The following ERAP1 variants were observed in gnomAD, a reference collection of about 807,000 sequenced individuals.
ERAP1 encodes the protein endoplasmic reticulum aminopeptidase 1.
ERAP1 carries 86 observed loss-of-function variants against 103.7 expected under a neutral mutation model. The ratio of observed to expected loss-of-function variants is 0.83; its 90% CI spans 0.70 to 0.99. The LOEUF is 0.99. Among genes scored for constraint, ERAP1 ranks in the 50% least tolerant of loss-of-function variants. The pLI is 0.00. For synonymous variants in ERAP1, 398 were observed against 402.4 expected, an observed-to-expected ratio of 0.99 and a Z score of 0.13; for missense variants, 1,009 against 1,128.4, an observed-to-expected ratio of 0.89 and a Z score of 1.52.
the ERAP1 span, among the ~76,000 whole-genome samples, chr5:96,834,040 A>T: frequency 6.6e-6 from 1 of 152,238 alleles, no homozygotes; most frequent in Admixed American, 6.5e-5. Flanking sequence ...AGTTGAAATG[A>T]AAAACTGACA....
At chr5:96,844,967 T>C in the ERAP1 span, among the ~76,000 whole-genome samples, 1 of 152,236 alleles carries the variant, frequency 6.6e-6, no homozygotes, top group Non-Finnish European at 1.5e-5. Context: ...AGAAAAATTA[T>C]GTCTGATTCC....
chr5:96,869,006 ATG>A, the ERAP1 span, among the ~76,000 whole-genome samples: 1 of 151,870 alleles, frequency 6.6e-6, no homozygotes, highest in African/African-American at 2.4e-5. Flanking sequence ...TTGCCTCAAG[ATG>A]TGTGTTTGCA....
At chr5:96,776,917 A>G (rs1774408643) in intron 18 of ERAP1, 1 of 212,394 alleles carries the variant, frequency 4.7e-6, no homozygotes, top group Non-Finnish European at 9.5e-6. Flanking sequence ...CAGAATGTGC[A>G]GAGTCTTTTC....
the ERAP1 span, among the ~76,000 whole-genome samples, chr5:96,874,180 A>AAGAAAGAAAGAAAGAAAGAAAGAGAG: frequency 7.3e-5 from 6 of 82,314 alleles, no homozygotes; most frequent in African/African-American, 3.4e-4. Context: ...GAAAGAAAGA[A>AAGAAAGAAAGAAAGAAAGAAAGAGAG]AGAGAGAGAG....
chr5:96,874,160 A>AAGAAAGAAAG, the ERAP1 span, among the ~76,000 whole-genome samples: 1 of 110,102 alleles, frequency 9.1e-6, no homozygotes, highest in Non-Finnish European at 1.7e-5. Flanking sequence ...GAAAGAAAGA[A>AAGAAAGAAAG]AGAAAGAAAG....
chr5:96,774,446 G>A (rs990270585), downstream of ERAP1: 2 of 925,962 alleles, frequency 2.2e-6, no homozygotes, highest in Admixed American at 6.2e-5. Flanking sequence ...CCTTTTTACA[G>A]TCTAGTTAGG....
the ERAP1 span, among the ~76,000 whole-genome samples, chr5:96,839,989 T>C: frequency 6.6e-6 from 1 of 152,190 alleles, no homozygotes; most frequent in Non-Finnish European, 1.5e-5. Context: ...GTGTAATGAG[T>C]TGTTTATTGC....
In ERAP1 at chr5:96,788,579, A is replaced by G. The variant is rs780462678; in HGVS notation, c.1631T>C (p.Met544Thr). 1.2e-6 allele frequency: 2 copies of G among 1,614,180 alleles called. No individual in the cohort carries two copies. The highest frequency in any genetic ancestry group is 4.5e-5 in the East Asian group (2 of 44,888). Reference protein sequence around the residue: ...TITVRGRNVHMKQEHYMKGSD... With the variant: ...TITVRGRNVHTKQEHYMKGSD... ...GCCCTTCATGTAGTGCTCTTGCTTC[A>G]TGTGTACATTCCTCCCCCTCACTGT... Residue 544 changes from methionine to threonine, a missense_variant, in exon 11 of 19, where the codon ATG (methionine) becomes ACG (threonine). Physicochemically the swap from Met to Thr is moderately conservative, Grantham distance 81. Transcript: ENST00000443439.
the ERAP1 span, among the ~76,000 whole-genome samples, chr5:96,853,492 G>T: frequency 6.6e-6 from 1 of 152,106 alleles, no homozygotes; most frequent in Admixed American, 6.6e-5. Flanking sequence ...CTTATCTCTA[G>T]TTAGAAGTGT....
chr5:96,803,885 T>C lies in ERAP1; in HGVS notation c.42A>G (p.Ser14=). ...GAGCCAACAGTGAGGAAAGTAGAAA[T>C]GACATGGTTGCAAGGGACCATTTGA... ...LPLKWSLATM[S]FLLSSLLALL... The change falls in exon 2 of 19, where the codon TCA becomes TCG. Residue 14 remains serine (S), a synonymous_variant. Coordinates refer to ENST00000443439, the MANE Select transcript of ERAP1 (RefSeq NM_001040458.3). The C allele has an allele frequency of 1.9e-6, 3 of 1,611,792 alleles. No homozygotes were observed. Among genetic ancestry groups the C allele is most frequent in the Non-Finnish European group, 2.5e-6 (3 of 1,180,018 alleles).
chr5:96,869,272 T>C, the ERAP1 span, among the ~76,000 whole-genome samples: 2 of 152,106 alleles, frequency 1.3e-5, no homozygotes, highest in African/African-American at 4.8e-5. Context: ...AAGGCTGTAA[T>C]CCATAACTTC....
At chr5:96,855,015 G>T in the ERAP1 span, among the ~76,000 whole-genome samples, 1 of 152,172 alleles carries the variant, frequency 6.6e-6, no homozygotes, top group Non-Finnish European at 1.5e-5. Flanking sequence ...CAAATGAAAG[G>T]CATTTCTGCA....
At chr5:96,907,633 G>T in the ERAP1 span, among the ~76,000 whole-genome samples, 1 of 151,408 alleles carries the variant, frequency 6.6e-6, no homozygotes, top group Non-Finnish European at 1.5e-5. Context: ...TGTAATCCCA[G>T]CATTTTGGGA....
chr5:96,926,191 T>C, the ERAP1 span, among the ~76,000 whole-genome samples: 1 of 152,216 alleles, frequency 6.6e-6, no homozygotes, highest in Admixed American at 6.5e-5. Context: ...ATTACAGGCT[T>C]GAGCCACCAT....
chr5:96,882,925 C>T, the ERAP1 span, among the ~76,000 whole-genome samples: 1 of 152,164 alleles, frequency 6.6e-6, no homozygotes, highest in East Asian at 1.9e-4. Flanking sequence ...ATCTGCTCTC[C>T]AAATTCACTT....
the ERAP1 span, chr5:96,883,841 CCTTG>C: frequency 6.2e-7 from 1 of 1,613,764 alleles, no homozygotes; most frequent in Non-Finnish European, 8.5e-7. Flanking sequence ...CATGGCTTTC[CCTTG>C]CTTTGATGAA....
At chr5:96,792,018 C>T (rs1312657584) in intron 8 of ERAP1, 43 bp downstream of exon 8, 6 of 1,609,066 alleles carry the variant, frequency 3.7e-6, no homozygotes, top group Admixed American at 1.7e-5. Context: ...GTATGTATAA[C>T]TTTAGTATCT....
chr5:96,768,731 C>T (rs1484928673), intron 19 of ERAP1, among the ~76,000 whole-genome samples: 1 of 152,184 alleles, frequency 6.6e-6, no homozygotes, highest in Non-Finnish European at 1.5e-5. Flanking sequence ...GAGCTTCCTC[C>T]CCTTTTCTGT....
intron 17 of ERAP1, 97 bp from the exon 18 acceptor site, chr5:96,780,601 CTGAT>C (rs1775027339): frequency 1.0e-6 from 1 of 959,892 alleles, no homozygotes; most frequent in African/African-American, 1.6e-5. Context: ...CAGCTAAAAA[CTGAT>C]CGGTGTGAAA....
Sources: gnomAD v4.1 joint callset for allele counts (sites outside exome capture counted in the v4.1 genomes callset) on GRCh38, gnomAD v4.1.1 for gene constraint, MANE v1.5 for transcripts, NCBI Gene and HGNC (gene_info 2026-07-23, HGNC 2026-07-21) for gene names.